SLX4IP: variants seen among roughly 807,000 people sequenced by gnomAD.
SLX4IP encodes protein SLX4IP.
SLX4IP carries 34 observed loss-of-function variants against 32.9 expected under a neutral mutation model. The ratio of observed to expected loss-of-function variants is 1.03; its 90% confidence interval spans 0.79 to 1.38. The LOEUF (loss-of-function observed/expected upper bound fraction) is 1.38, where lower values mean the gene tolerates loss of function less well. SLX4IP is among the 40% of genes most tolerant of loss of function. The pLI is 0.00. For missense variants in SLX4IP, 444 were observed against 479.0 expected (o/e 0.93, Z 0.68); for synonymous variants, 172 against 171.7 (o/e 1.00, Z -0.01).
intron 2 of SLX4IP, among the ~76,000 whole-genome samples, chr20:10,543,580 G>A (rs2066132421): frequency 6.6e-6 from 1 of 152,216 alleles, no homozygotes; most frequent in African/African-American, 2.4e-5. Context: ...GCCAGCAAAG[G>A]AGACTGAGAA....
chr20:10,452,680 A>ATATAT (rs1555805196), intron 1 of SLX4IP, among the ~76,000 whole-genome samples: 15,121 of 108,770 alleles, frequency 0.14, 1,341 homozygotes, highest in Non-Finnish European at 0.2. Flanking sequence ...AAAAAAAAAA[A>ATATAT]ATATATATAT....
chr20:10,604,723 T>C (rs927496432), intron 6 of SLX4IP, among the ~76,000 whole-genome samples: 2 of 152,264 alleles, frequency 1.3e-5, no homozygotes, highest in African/African-American at 4.8e-5. Context: ...GGAGATCCTC[T>C]GTGTTGCAAT....
At chr20:10,452,672 A>ATATATATATATATATAT (rs1391269787) in intron 1 of SLX4IP, among the ~76,000 whole-genome samples, 1 of 73,806 alleles carries the variant, frequency 1.4e-5, no homozygotes, top group African/African-American at 5.0e-5. Flanking sequence ...CTCAAAAAAA[A>ATATATATATATATATAT]AAAAAAAAAT....
intron 1 of SLX4IP, among the ~76,000 whole-genome samples, chr20:10,453,191 G>A (rs543113163): frequency 1.3e-5 from 2 of 152,156 alleles, no homozygotes; most frequent in South Asian, 2.1e-4. Flanking sequence ...TTTATTTACT[G>A]CAGTTTTTGT....
intron 1 of SLX4IP, among the ~76,000 whole-genome samples, chr20:10,447,335 G>A (rs2065210320): frequency 6.6e-6 from 1 of 151,950 alleles, no homozygotes; most frequent in African/African-American, 2.4e-5. Context: ...CCCATCTTTT[G>A]TTTTTTTCTT....
At chr20:10,571,962 G>A (rs2066471331) in intron 4 of SLX4IP, among the ~76,000 whole-genome samples, 1 of 152,126 alleles carries the variant, frequency 6.6e-6, no homozygotes, top group South Asian at 2.1e-4. Context: ...TCCAGGGACA[G>A]GAAATACCTT....
intron 1 of SLX4IP, among the ~76,000 whole-genome samples, chr20:10,446,742 C>CT (rs1444803478): frequency 1.3e-5 from 2 of 151,948 alleles, no homozygotes. Flanking sequence ...TTTTCATATG[C>CT]TTTTTTACCA....
At chr20:10,609,970 C>T (rs2066947787) in intron 6 of SLX4IP, among the ~76,000 whole-genome samples, 2 of 151,452 alleles carry the variant, frequency 1.3e-5, no homozygotes, top group Admixed American at 1.3e-4. Flanking sequence ...TTTTTCTGGT[C>T]AAAGTTAAAT....
intron 2 of SLX4IP, among the ~76,000 whole-genome samples, chr20:10,537,505 G>A (rs2066058573): frequency 6.6e-6 from 1 of 152,170 alleles, no homozygotes; most frequent in South Asian, 2.1e-4. Context: ...AATCCATTAG[G>A]TTGCAGTTTG....
chr20:10,530,283 C>G (rs527501280), intron 2 of SLX4IP, among the ~76,000 whole-genome samples: 1 of 152,110 alleles, frequency 6.6e-6, no homozygotes, highest in African/African-American at 2.4e-5. Flanking sequence ...TGAGTTTGTA[C>G]GTTTAGATAA....
At chr20:10,524,556 C>A (rs2122454244) in intron 2 of SLX4IP, among the ~76,000 whole-genome samples, 1 of 152,284 alleles carries the variant, frequency 6.6e-6, no homozygotes, top group South Asian at 2.1e-4. Flanking sequence ...ATTCAGTTTG[C>A]TATATTCGTA....
intron 2 of SLX4IP, among the ~76,000 whole-genome samples, chr20:10,519,843 C>CTT: frequency 6.6e-6 from 1 of 152,300 alleles, no homozygotes; most frequent in South Asian, 2.1e-4. Flanking sequence ...CTACCAGCCA[C>CTT]GTATGATGGT....
rs2067172924 is a variant in SLX4IP, at chr20:10,626,251, G to A, written c.*2872G>A. Reference sequence around the variant, plus strand: ...GGTTTTCACCGTGTTGGCCAGGGTGGTCTCGATCTCCTGACTCGTGATCCG... The same window carrying A: ...GGTTTTCACCGTGTTGGCCAGGGTGATCTCGATCTCCTGACTCGTGATCCG... On this transcript the variant is annotated 3_prime_UTR_variant, in exon 8 of 8. Coordinates refer to ENST00000334534, the MANE Select transcript of SLX4IP (RefSeq NM_001009608.3). 7.1e-6 allele frequency: 1 copy of A among 141,082 alleles called. No homozygotes were observed. The highest frequency in any genetic ancestry group is 7.4e-5 in the Admixed American group (1 of 13,436). 8.7% of individuals were successfully genotyped at this position (141,082 alleles called of 1,614,324 possible).
chr20:10,567,762 G>A (rs544684419), intron 4 of SLX4IP, among the ~76,000 whole-genome samples: 1 of 152,226 alleles, frequency 6.6e-6, no homozygotes, highest in East Asian at 1.9e-4. Context: ...GTATATATTT[G>A]TTTCTCAGGC....
In SLX4IP at chr20:10,616,978, A is replaced by G. The variant is rs117103750; in HGVS notation, c.406-4336A>G. On this transcript the variant is annotated intron_variant, in intron 6 of 7. Coordinates refer to ENST00000334534, the MANE Select transcript of SLX4IP (RefSeq NM_001009608.3). Reference sequence around the variant, plus strand: ...TCTGTCGGATTCTGCTCAGTTATCAATTCTGTGTGCCTTTAGGGCAGAAGT... The same window carrying G: ...TCTGTCGGATTCTGCTCAGTTATCAGTTCTGTGTGCCTTTAGGGCAGAAGT... 7.0e-4 allele frequency among the ~76,000 whole-genome samples: 107 copies of G among 152,278 alleles called. 1 individual carries two copies. The East Asian group carries it at 0.019, about 27-fold the overall frequency.
chr20:10,574,578 G>A (rs1355277474), intron 4 of SLX4IP, among the ~76,000 whole-genome samples: 1 of 152,178 alleles, frequency 6.6e-6, no homozygotes, highest in East Asian at 1.9e-4. Context: ...TTTACAACCA[G>A]ACTTTCGGCA....
At chr20:10,524,007 G>A (rs2122453406) in intron 2 of SLX4IP, among the ~76,000 whole-genome samples, 1 of 152,350 alleles carries the variant, frequency 6.6e-6, no homozygotes, top group South Asian at 2.1e-4. Flanking sequence ...CAAGGGCAGG[G>A]CTGGCTGGTC....
chr20:10,553,295 T>C (rs2066235854), intron 2 of SLX4IP, among the ~76,000 whole-genome samples: 1 of 151,726 alleles, frequency 6.6e-6, no homozygotes, highest in Non-Finnish European at 1.5e-5. Flanking sequence ...ACTAGATCCA[T>C]CACTATGTGA....
intron 6 of SLX4IP, among the ~76,000 whole-genome samples, chr20:10,609,600 C>T (rs1229398921): frequency 2.0e-5 from 3 of 152,162 alleles, no homozygotes; most frequent in Admixed American, 6.5e-5. Flanking sequence ...CCTGGTTAGC[C>T]CTACTCCCTG....
Sources: gnomAD v4.1 joint callset for allele counts (sites outside exome capture counted in the v4.1 genomes callset) on GRCh38, gnomAD v4.1.1 for gene constraint, MANE v1.5 for transcripts, NCBI Gene and HGNC (gene_info 2026-07-23, HGNC 2026-07-21) for gene names.